The following PDS5B variants were observed in gnomAD, a reference collection of about 807,000 sequenced individuals.
PDS5B encodes the protein sister chromatid cohesion protein PDS5 homolog B.
PDS5B carries 51 observed loss-of-function variants against 184.1 expected under a neutral mutation model. That is an observed-to-expected ratio of 0.28 (90% CI 0.22 to 0.35). PDS5B has a LOEUF of 0.35. Ranked by LOEUF, PDS5B falls within the 10% of genes least tolerant of loss-of-function variation. The probability of loss-of-function intolerance (pLI) is 1.00; values close to 1 mark genes in which losing one functional copy is unlikely to be tolerated. For missense variants in PDS5B, 1,180 were observed against 1,723.3 expected (o/e 0.68, Z 5.58); for synonymous variants, 566 against 569.2 (o/e 0.99, Z 0.08).
intron 21 of PDS5B, among the ~76,000 whole-genome samples, chr13:32,738,796 C>T (rs568218410): frequency 2.6e-5 from 4 of 152,042 alleles, no homozygotes; most frequent in Non-Finnish European, 4.4e-5. Flanking sequence ...CTCAGCCTCC[C>T]GAGTAGCTGG....
At chr13:32,631,022 G>C (rs1489891223) in intron 1 of PDS5B, among the ~76,000 whole-genome samples, 1 of 151,742 alleles carries the variant, frequency 6.6e-6, no homozygotes, top group Non-Finnish European at 1.5e-5. Context: ...TCGAACTCCT[G>C]TCTCAAGTGA....
chr13:32,609,792 C>G (rs1304176086), intron 1 of PDS5B, among the ~76,000 whole-genome samples: 1 of 151,762 alleles, frequency 6.6e-6, no homozygotes, highest in African/African-American at 2.4e-5. Context: ...GTGGCAGTCT[C>G]AGCTTACAGT....
chr13:32,592,583 T>C (rs61340116), intron 1 of PDS5B, among the ~76,000 whole-genome samples: 7,356 of 152,202 alleles, frequency 0.048, 489 homozygotes, highest in African/African-American at 0.16. Flanking sequence ...GAGCACTTTT[T>C]CCCCCTCTGT....
At chr13:32,772,743 G>A (rs1178135425) in intron 33 of PDS5B, among the ~76,000 whole-genome samples, 2 of 152,168 alleles carry the variant, frequency 1.3e-5, no homozygotes, top group East Asian at 3.8e-4. Context: ...TTTGTAAAGA[G>A]AAGAGGCAAG....
chr13:32,775,167 A>G lies in PDS5B; in HGVS notation c.*115A>G. On this transcript the variant is annotated 3_prime_UTR_variant, in exon 35 of 35. Coordinates refer to ENST00000315596, the MANE Select transcript of PDS5B (RefSeq NM_015032.4). ...GATGCACAAAATGGGACTGCTGAAG[A>G]GTGGACAGTTGGACCTTACTTTGGT... 1.2e-6 allele frequency: 1 copy of G among 861,432 alleles called. No individual in the cohort carries two copies. The highest frequency in any genetic ancestry group is 1.8e-6 in the Non-Finnish European group (1 of 554,946). The allele number at this position is 861,432 out of a possible 1,614,324, so 53.4% of individuals were successfully genotyped here. A position where few individuals can be genotyped will look rare whatever the true frequency, so the allele number is the denominator to read the frequency against.
chr13:32,626,089 C>T (rs1174760307), intron 1 of PDS5B, among the ~76,000 whole-genome samples: 5 of 152,132 alleles, frequency 3.3e-5, no homozygotes, highest in African/African-American at 1.2e-4. Flanking sequence ...ATCTATCTGC[C>T]TCGGCCTCCC....
At chr13:32,657,897 A>G (rs1950554675) in intron 3 of PDS5B, among the ~76,000 whole-genome samples, 1 of 152,180 alleles carries the variant, frequency 6.6e-6, no homozygotes, top group African/African-American at 2.4e-5. Flanking sequence ...AAACCTGATC[A>G]GCTCTCAGTC....
At chr13:32,621,132 T>C (rs1050570214) in intron 1 of PDS5B, among the ~76,000 whole-genome samples, 2 of 152,250 alleles carry the variant, frequency 1.3e-5, no homozygotes, top group Admixed American at 6.5e-5. Context: ...TATGTATGTT[T>C]ATGAGTTTTC....
chr13:32,650,665 A>G (rs940213472), intron 2 of PDS5B: 12 of 152,216 alleles, frequency 7.9e-5, no homozygotes, highest in African/African-American at 2.7e-4. Context: ...AGACCCAGAC[A>G]TCATACCCTT....
intron 16 of PDS5B, 51 bp from the exon 17 acceptor site, chr13:32,701,269 CATA>C: frequency 2.2e-6 from 2 of 904,136 alleles, no homozygotes; most frequent in Non-Finnish European, 3.6e-6. Flanking sequence ...AATATTTTAA[CATA>C]ATGATTTGTT....
chr13:32,656,273 CTTT>C (rs71071057), intron 3 of PDS5B, among the ~76,000 whole-genome samples: 2 of 96,784 alleles, frequency 2.1e-5, no homozygotes, highest in Non-Finnish European at 3.9e-5. Flanking sequence ...TCTCCAGCTT[CTTT>C]TTTTTTTTTT....
chr13:32,697,980 G>A (rs1951756226), intron 15 of PDS5B, among the ~76,000 whole-genome samples: 1 of 152,076 alleles, frequency 6.6e-6, no homozygotes, highest in African/African-American at 2.4e-5. Context: ...GAGCCACGGT[G>A]CCTGGCCTAT....
At position 32,755,812 on chromosome 13, in the gene PDS5B, TTTTG is replaced by T. The variant is rs199755610; in HGVS notation, c.2942-14_2942-11del. On this transcript the variant is annotated intron_variant, in intron 25 of 34. Transcript: ENST00000315596. ...GTTTTTTGCTTTTTCTTTTGTTTTTTTTTGTTTGTTTGTTTGTTTTCTTTTTCAG... is the reference window on the plus strand; with the variant it reads ...GTTTTTTGCTTTTTCTTTTGTTTTTTTTTGTTTGTTTGTTTTCTTTTTCAG... 7.0e-3 allele frequency: 7,477 copies of T among 1,075,764 alleles called. 178 individuals are homozygous for T. Among genetic ancestry groups the T allele is most frequent in the African/African-American group, 0.06 (3,762 of 62,368 alleles). 66.6% of individuals were successfully genotyped at this position (1,075,764 alleles called of 1,614,324 possible).
At chr13:32,617,065 C>T (rs756564688) in intron 1 of PDS5B, among the ~76,000 whole-genome samples, 1 of 152,162 alleles carries the variant, frequency 6.6e-6, no homozygotes, top group African/African-American at 2.4e-5. Context: ...AAAGAGAGCT[C>T]TCCCAGTAGT....
intron 19 of PDS5B, among the ~76,000 whole-genome samples, chr13:32,731,264 G>A (rs565719487): frequency 2.0e-5 from 3 of 152,124 alleles, no homozygotes; most frequent in Non-Finnish European, 4.4e-5. Context: ...AGGAAGATAT[G>A]GAAGTTTCTT....
intron 1 of PDS5B, among the ~76,000 whole-genome samples, chr13:32,637,906 GACTT>G (rs933827282): frequency 2.0e-5 from 3 of 152,180 alleles, no homozygotes; most frequent in Non-Finnish European, 4.4e-5. Flanking sequence ...CCCGAAGACT[GACTT>G]ACTGAAAACA....
At chr13:32,662,164 A>G (rs1442171401) in intron 6 of PDS5B, among the ~76,000 whole-genome samples, 1 of 152,168 alleles carries the variant, frequency 6.6e-6, no homozygotes. Flanking sequence ...AATATAAACC[A>G]AAAGAAAACC....
At position 32,758,171 on chromosome 13, in the gene PDS5B, T is replaced by A; in HGVS notation, c.3141T>A (p.Ile1047=). 1 of 1,545,890 alleles carries A rather than the reference T, an allele frequency of 6.5e-7. No individual in the cohort carries two copies. The highest frequency in any genetic ancestry group is 8.8e-7 in the Non-Finnish European group (1 of 1,131,862). ...TTATCAGAAAGATGGTAGAAAATAT[T>A]AAACAAACAAAAGATGCCCAAGGAC... ...HAFIRKMVEN[I]KQTKDAQGPD... Residue 1047 remains isoleucine, a synonymous_variant, in exon 27 of 35, where the codon ATT becomes ATA. Transcript: ENST00000315596.
chr13:32,610,495 A>C (rs965086330), intron 1 of PDS5B, among the ~76,000 whole-genome samples: 1 of 152,338 alleles, frequency 6.6e-6, no homozygotes, highest in Non-Finnish European at 1.5e-5. Flanking sequence ...TTCCTAACCA[A>C]ATGTTCATAA....
Sources: allele counts gnomAD v4.1 joint callset (sites outside exome capture counted in the v4.1 genomes callset), GRCh38; gene constraint gnomAD v4.1.1; transcripts MANE v1.5; gene names NCBI Gene and HGNC (gene_info 2026-07-23, HGNC 2026-07-21).